Variants in KCNAB2 observed in about 807,000 individuals in gnomAD.
KCNAB2 encodes potassium voltage-gated channel subfamily A regulatory beta subunit 2, also known as voltage-gated potassium channel subunit beta-2.
In KCNAB2, 29 loss-of-function variants were observed where a neutral mutation model predicts 63.6. The ratio of observed to expected loss-of-function variants is 0.46; its 90% CI spans 0.34 to 0.62. The LOEUF is 0.62. Among genes scored for constraint, KCNAB2 ranks in the 20% least tolerant of loss-of-function variants. KCNAB2 has a pLI of 0.01. For missense variants in KCNAB2, 359 were observed against 563.9 expected (o/e 0.64, Z 3.68); for synonymous variants, 222 against 224.2 (o/e 0.99, Z 0.09).
At chr1:6,007,760 TA>T (rs1657911924) in intron 1 of KCNAB2, 1 of 152,340 alleles carries the variant, frequency 6.6e-6, no homozygotes. Context: ...CTGTTGCCCT[TA>T]CCCCCGAAGG....
chr1:6,048,108 C>T (rs1234282040), intron 1 of KCNAB2, among the ~76,000 whole-genome samples: 1 of 152,244 alleles, frequency 6.6e-6, no homozygotes, highest in East Asian at 1.9e-4. Flanking sequence ...CAAACTCAGC[C>T]TTCCACCATC....
chr1:6,093,587 G>A (rs1665370697), intron 10 of KCNAB2, among the ~76,000 whole-genome samples: 2 of 152,180 alleles, frequency 1.3e-5, no homozygotes, highest in African/African-American at 2.4e-5. Context: ...AGTCTCCGCC[G>A]TCCACGATTC....
chr1:5,994,737 G>A lies in KCNAB2; in HGVS notation c.-53+1949G>A, dbSNP rs577434409. 7.5e-4 allele frequency among the ~76,000 whole-genome samples: 115 copies of A among 152,324 alleles called. 1 individual carries two copies. The highest frequency in any genetic ancestry group is 7.9e-4 in the Non-Finnish European group (54 of 68,024). ...AGCCATTGCACCCGGGAGGTGGGAC[G>A]TGGGCCATGGCGCTAGAGAGCTGGA... On this transcript the variant is annotated intron_variant, in intron 1 of 16. Coordinates refer to the KCNAB2 transcript ENST00000341524. The surrounding 1 kb of genome is among the most constrained non-coding windows in gnomAD (Gnocchi z 5.4).
At chr1:6,066,799 G>A (rs541725025) in intron 2 of KCNAB2, among the ~76,000 whole-genome samples, 74 of 152,360 alleles carry the variant, frequency 4.9e-4, no homozygotes, top group African/African-American at 1.5e-3. Context: ...GCCAGGCCCA[G>A]GGCCCAATTC....
At chr1:6,063,867 C>T (rs187076596) in intron 2 of KCNAB2, among the ~76,000 whole-genome samples, 10 of 152,202 alleles carry the variant, frequency 6.6e-5, no homozygotes, top group Non-Finnish European at 4.4e-5. Flanking sequence ...TTTGTGTGGG[C>T]GTATGTTTTC....
chr1:6,002,920 T>G (rs892826408), intron 1 of KCNAB2, among the ~76,000 whole-genome samples: 1 of 151,948 alleles, frequency 6.6e-6, no homozygotes, highest in African/African-American at 2.4e-5. Flanking sequence ...TTGCTCTGGC[T>G]CTGGCCCCCT....
rs577217826 is a variant in KCNAB2 at position 6,078,063 on chromosome 1, G to A, written c.301-4132G>A. Among the ~76,000 whole-genome samples the A allele has an allele frequency of 1.3e-5, 2 of 148,244 alleles. No homozygotes were observed. Among genetic ancestry groups the A allele is most frequent in the Admixed American group, 6.6e-5 (1 of 15,042 alleles). ...CCTTCTCCCGGCCAGGACCTTTCCC[G>A]GCCTAAGTCCAGGAGTCAGCCGGGC... On this transcript the variant is annotated intron_variant, in intron 4 of 15. Coordinates refer to ENST00000378083, the MANE Select transcript of KCNAB2 (RefSeq NM_001199862.2). This position sits in a 1 kb window ranked among gnomAD's most constrained non-coding sequence, Gnocchi z 4.2.
intron 12 of KCNAB2, 28 bp downstream of exon 12, chr1:6,095,471 C>G: frequency 6.2e-7 from 1 of 1,610,282 alleles, no homozygotes; most frequent in Non-Finnish European, 8.5e-7. Flanking sequence ...CCTCGCCCCG[C>G]CCCACCCCAC....
At chr1:6,023,088 G>T (rs1441445575) in intron 1 of KCNAB2, among the ~76,000 whole-genome samples, 1 of 152,008 alleles carries the variant, frequency 6.6e-6, no homozygotes, top group African/African-American at 2.4e-5. Flanking sequence ...CGCCATGTTG[G>T]CCAGGCTGGT....
intron 1 of KCNAB2, among the ~76,000 whole-genome samples, chr1:5,999,854 G>T (rs547955943): frequency 6.6e-6 from 1 of 150,802 alleles, no homozygotes; most frequent in South Asian, 2.1e-4. Flanking sequence ...CGCCCCATCC[G>T]TACCCTGCCT....
chr1:6,055,470 C>T (rs146905192), intron 2 of KCNAB2, among the ~76,000 whole-genome samples: 2,550 of 151,946 alleles, frequency 0.017, 33 homozygotes, highest in Middle Eastern at 0.051. Flanking sequence ...ATTCTCCTGC[C>T]TCAGCCTCCC....
At position 6,096,516 on chromosome 1, in the gene KCNAB2, A is replaced by G; in HGVS notation, c.949-120A>G. ...GGGGCACTGCCCTGGCTTCAAGATG[A>G]GAAGAGCCCCTATGAGGGAGAAGGG... On this transcript the variant is annotated intron_variant, in intron 13 of 15. Transcript: ENST00000378083. The surrounding 1 kb of genome is among the most constrained non-coding windows in gnomAD (Gnocchi z 5.9). 7.5e-7 allele frequency: 1 copy of G among 1,338,402 alleles called. No individual in the cohort carries two copies. The allele number at this position is 1,338,402 out of a possible 1,614,324, so 82.9% of individuals were successfully genotyped here. A position where few individuals can be genotyped will look rare whatever the true frequency, so the allele number is the denominator to read the frequency against.
At chr1:6,053,609 G>A (rs975091890) in intron 2 of KCNAB2, among the ~76,000 whole-genome samples, 2 of 152,136 alleles carry the variant, frequency 1.3e-5, no homozygotes, top group South Asian at 2.1e-4. Flanking sequence ...AGGCCCAGGC[G>A]GCTAGGCTGG....
chr1:6,056,131 G>A (rs1661803123), intron 2 of KCNAB2, among the ~76,000 whole-genome samples: 1 of 152,084 alleles, frequency 6.6e-6, no homozygotes, highest in South Asian at 2.1e-4. Flanking sequence ...TGCAACCTCT[G>A]CCTCCTGGGT....
intron 4 of KCNAB2, among the ~76,000 whole-genome samples, chr1:6,075,934 C>T (rs567351743): frequency 6.8e-4 from 104 of 152,336 alleles, no homozygotes; most frequent in African/African-American, 2.4e-3. Context: ...ATGAACTCTG[C>T]ACACTGTTTG....
Position 6,028,677 on chromosome 1 carries a change from G to C in KCNAB2, c.-52-11840G>C, listed in dbSNP as rs1158745091. Among the ~76,000 whole-genome samples the C allele has an allele frequency of 6.6e-6, 1 of 152,242 alleles. No homozygotes were observed. The highest frequency in any genetic ancestry group is 2.4e-5 in the African/African-American group (1 of 41,470). On this transcript the variant is annotated intron_variant, in intron 1 of 16. Transcript: ENST00000341524. The surrounding 1 kb of genome is among the most constrained non-coding windows in gnomAD (Gnocchi z 4.0). Reference sequence around the variant, plus strand: ...GAGCTGACCTCCCAGCAGTCTTACAGGATATGGTTACAGAGGTGAATCTGG... The same window carrying C: ...GAGCTGACCTCCCAGCAGTCTTACACGATATGGTTACAGAGGTGAATCTGG...
intron 2 of KCNAB2, among the ~76,000 whole-genome samples, chr1:6,057,480 A>G (rs1037897623): frequency 5.9e-5 from 9 of 152,042 alleles, no homozygotes; most frequent in South Asian, 2.1e-4. Flanking sequence ...AGCAGAGACC[A>G]GGGGGGATGG....
intron 5 of KCNAB2, among the ~76,000 whole-genome samples, chr1:6,082,899 T>G (rs1664331021): frequency 6.6e-6 from 1 of 152,178 alleles, no homozygotes; most frequent in Non-Finnish European, 1.5e-5. Flanking sequence ...CAAGTTCCCG[T>G]CAGCCGGGCA....
Position 6,078,397 on chromosome 1 carries a change from C to G in KCNAB2, c.301-3798C>G, listed in dbSNP as rs1663873917. On this transcript the variant is annotated intron_variant, in intron 4 of 15. Coordinates refer to ENST00000378083, the MANE Select transcript of KCNAB2 (RefSeq NM_001199862.2). The surrounding 1 kb of genome is among the most constrained non-coding windows in gnomAD (Gnocchi z 4.2). Reference sequence around the variant, plus strand: ...CCAGGGACGTGATACCTTTGGAGAACCATTATTTAGTTGACTGCAGAGAAG... The same window carrying G: ...CCAGGGACGTGATACCTTTGGAGAAGCATTATTTAGTTGACTGCAGAGAAG... 6.6e-6 allele frequency among the ~76,000 whole-genome samples: 1 copy of G among 151,804 alleles called. No individual in the cohort carries two copies. Among genetic ancestry groups the G allele is most frequent in the South Asian group, 2.1e-4 (1 of 4,812 alleles).
Sources: gnomAD v4.1 joint callset for allele counts (sites outside exome capture counted in the v4.1 genomes callset) on GRCh38, gnomAD v4.1.1 for gene constraint, Gnocchi (gnomAD v3.1) non-coding constraint, MANE v1.5 for transcripts, NCBI Gene and HGNC (gene_info 2026-07-23, HGNC 2026-07-21) for gene names.